The following PTPRK variants were observed in gnomAD, a reference collection of about 807,000 sequenced individuals.
PTPRK encodes protein tyrosine phosphatase receptor type K.
PTPRK carries 75 observed loss-of-function variants against 178.0 expected under a neutral mutation model. The observed-to-expected ratio is 0.42, with a 90% CI of 0.35 to 0.51. The LOEUF is 0.51. Among genes scored for constraint, PTPRK ranks in the 20% least tolerant of loss-of-function variants. PTPRK has a pLI of 0.02. For synonymous variants in PTPRK, 637 were observed against 620.6 expected (o/e 1.03, Z -0.39); for missense variants, 1,441 against 1,797.8 (o/e 0.80, Z 3.59).
At chr6:128,262,486 A>G (rs1275221428) in intron 3 of PTPRK, among the ~76,000 whole-genome samples, 3 of 152,114 alleles carry the variant, frequency 2.0e-5, no homozygotes, top group Non-Finnish European at 4.4e-5. Context: ...TACTAAAACA[A>G]CACTAACTTC....
chr6:128,278,209 T>A (rs1054427907), intron 3 of PTPRK, among the ~76,000 whole-genome samples: 1 of 151,810 alleles, frequency 6.6e-6, no homozygotes, highest in Non-Finnish European at 1.5e-5. Flanking sequence ...TGGGCTGGAG[T>A]GCAATGGCGT....
intron 6 of PTPRK, among the ~76,000 whole-genome samples, chr6:128,212,832 A>G (rs536636744): frequency 6.6e-6 from 1 of 152,214 alleles, no homozygotes; most frequent in East Asian, 1.9e-4. Context: ...ACAAACTGAA[A>G]GAAAATAAAT....
At chr6:128,430,722 C>G (rs202241253) in intron 1 of PTPRK, among the ~76,000 whole-genome samples, 2 of 151,992 alleles carry the variant, frequency 1.3e-5, no homozygotes, top group Middle Eastern at 6.8e-3. Flanking sequence ...TTGGTCATAG[C>G]AAAAAACAAG....
At chr6:128,165,837 A>G (rs1016326894) in intron 7 of PTPRK, among the ~76,000 whole-genome samples, 2 of 151,618 alleles carry the variant, frequency 1.3e-5, no homozygotes, top group African/African-American at 4.8e-5. Context: ...AAGAGTTTAT[A>G]TCACAGAACA....
In PTPRK at chr6:128,134,703, C is replaced by T. The variant is rs533979134; in HGVS notation, c.1163-44711G>A. On this transcript the variant is annotated intron_variant, in intron 7 of 29. Coordinates refer to ENST00000368226, the MANE Select transcript of PTPRK (RefSeq NM_002844.4). ...GTGCACACCTATAGTCCCAGCTATT[C>T]GAGAGGCTGAAGTGGGTGGAGTGCT... 1.1e-4 allele frequency among the ~76,000 whole-genome samples: 16 copies of T among 152,176 alleles called. No individual in the cohort carries two copies. In the South Asian group the frequency reaches 1.2e-3, roughly 12 times the overall value.
At chr6:128,271,248 G>T (rs1024896118) in intron 3 of PTPRK, among the ~76,000 whole-genome samples, 1 of 152,088 alleles carries the variant, frequency 6.6e-6, no homozygotes, top group Non-Finnish European at 1.5e-5. Context: ...CACAGCAGTT[G>T]CCAAGTCAAA....
At chr6:128,160,318 T>G (rs1354124372) in intron 7 of PTPRK, among the ~76,000 whole-genome samples, 1 of 151,620 alleles carries the variant, frequency 6.6e-6, no homozygotes, top group East Asian at 1.9e-4. Flanking sequence ...CACAGCATAT[T>G]TGTGGTATTA....
chr6:127,990,025 C>A (rs754206841), intron 21 of PTPRK, among the ~76,000 whole-genome samples: 1 of 152,206 alleles, frequency 6.6e-6, no homozygotes. Flanking sequence ...AGCCACCTTA[C>A]GTTATTCTTT....
intron 3 of PTPRK, among the ~76,000 whole-genome samples, chr6:128,249,233 T>A (rs1175094309): frequency 6.6e-6 from 1 of 151,692 alleles, no homozygotes; most frequent in Non-Finnish European, 1.5e-5. Flanking sequence ...CCAGTTATAT[T>A]TGGACCCAAT....
At position 128,437,690 on chromosome 6, in the gene PTPRK, T is replaced by C. The variant is rs552884827; in HGVS notation, c.101-40002A>G. Reference sequence around the variant, plus strand: ...ATAAAGATGTTCTTGCTAGAAAGAATAGAATGAGACAAAACTAAATGAGTA... The same window carrying C: ...ATAAAGATGTTCTTGCTAGAAAGAACAGAATGAGACAAAACTAAATGAGTA... On this transcript the variant is annotated intron_variant, in intron 1 of 29. Transcript: ENST00000368226. Among the ~76,000 whole-genome samples the C allele has an allele frequency of 1.1e-4, 17 of 152,232 alleles. No individual in the cohort carries two copies. The East Asian group carries it at 2.1e-3, about 19-fold the overall frequency.
At chr6:128,046,839 C>T (rs555194849) in intron 13 of PTPRK, among the ~76,000 whole-genome samples, 54 of 152,108 alleles carry the variant, frequency 3.6e-4, no homozygotes, top group Non-Finnish European at 5.3e-4. Flanking sequence ...AGTTTCTAAA[C>T]GCATGGAGTA....
chr6:128,418,897 T>A (rs1320424894), intron 1 of PTPRK, among the ~76,000 whole-genome samples: 2 of 152,196 alleles, frequency 1.3e-5, no homozygotes, highest in East Asian at 3.9e-4. Flanking sequence ...TCAGAAATAC[T>A]TCACTGTAAT....
chr6:128,148,146 T>C (rs999538483), intron 7 of PTPRK, among the ~76,000 whole-genome samples: 8 of 152,110 alleles, frequency 5.3e-5, no homozygotes, highest in Admixed American at 6.6e-5. Context: ...GTCTATGTCA[T>C]ATATTAAGAG....
chr6:128,326,548 T>C (rs1562290481), intron 2 of PTPRK, among the ~76,000 whole-genome samples: 1 of 152,126 alleles, frequency 6.6e-6, no homozygotes, highest in South Asian at 2.1e-4. Flanking sequence ...TTTTAAAACA[T>C]TTTATGGAAG....
At chr6:128,191,814 TAA>T (rs996197294) in intron 6 of PTPRK, among the ~76,000 whole-genome samples, 1 of 152,082 alleles carries the variant, frequency 6.6e-6, no homozygotes, top group Non-Finnish European at 1.5e-5. Context: ...CTGAAAATAA[TAA>T]ATTTACCACG....
intron 7 of PTPRK, among the ~76,000 whole-genome samples, chr6:128,135,359 C>A (rs1794877272): frequency 6.6e-6 from 1 of 152,170 alleles, no homozygotes; most frequent in South Asian, 2.1e-4. Context: ...TGGTGCTCTT[C>A]CCTGGTGGTT....
At chr6:128,108,501 A>T (rs539954418) in intron 7 of PTPRK, among the ~76,000 whole-genome samples, 8 of 152,228 alleles carry the variant, frequency 5.3e-5, no homozygotes, top group Admixed American at 4.6e-4. Flanking sequence ...TAACTTACTG[A>T]TAGGGGATTG....
intron 3 of PTPRK, among the ~76,000 whole-genome samples, chr6:128,302,256 GT>G (rs1274635170): frequency 6.6e-6 from 1 of 151,876 alleles, no homozygotes; most frequent in Non-Finnish European, 1.5e-5. Flanking sequence ...GCTGGGTGTG[GT>G]GGCGGGCGCC....
At chr6:128,081,468 G>A (rs1312431732) in intron 10 of PTPRK, among the ~76,000 whole-genome samples, 1 of 151,680 alleles carries the variant, frequency 6.6e-6, no homozygotes, top group Non-Finnish European at 1.5e-5. Context: ...AAAATAATTT[G>A]GAAAGTACAT....
Sources: gnomAD v4.1 joint callset for allele counts (sites outside exome capture counted in the v4.1 genomes callset) on GRCh38, gnomAD v4.1.1 for gene constraint, MANE v1.5 for transcripts, NCBI Gene and HGNC (gene_info 2026-07-23, HGNC 2026-07-21) for gene names.